The following ERC2 variants were observed in gnomAD, a reference collection of about 807,000 sequenced individuals.
The protein encoded by ERC2 is ERC protein 2.
Under a neutral mutation model 114.8 loss-of-function variants are expected in ERC2, and 42 were observed. The ratio of observed to expected loss-of-function variants is 0.37; its 90% confidence interval spans 0.29 to 0.47. The LOEUF (loss-of-function observed/expected upper bound fraction) is 0.47. Ranked by LOEUF, ERC2 falls within the 20% of genes least tolerant of loss-of-function variation. ERC2 has a pLI of 0.99. For missense variants in ERC2, 939 were observed against 1,150.7 expected (o/e 0.82, Z 2.66); for synonymous variants, 454 against 425.5 (o/e 1.07, Z -0.82).
At chr3:56,215,870 G>A (rs1385548712) in intron 3 of ERC2, among the ~76,000 whole-genome samples, 1 of 152,182 alleles carries the variant, frequency 6.6e-6, no homozygotes, top group African/African-American at 2.4e-5. Context: ...CATGGAAACT[G>A]AACAACCTGC....
chr3:56,322,275 TTGTTTGCAAAGAAGAG>T (rs1238588483), intron 2 of ERC2, among the ~76,000 whole-genome samples: 1 of 152,226 alleles, frequency 6.6e-6, no homozygotes, highest in African/African-American at 2.4e-5. Flanking sequence ...AGTGGGCTTT[TTGTTTGCAAAGAAGAG>T]TGTTTGCAAA....
At chr3:55,731,856 C>T (rs1309972134) in intron 15 of ERC2, among the ~76,000 whole-genome samples, 2 of 152,098 alleles carry the variant, frequency 1.3e-5, no homozygotes, top group Non-Finnish European at 2.9e-5. Context: ...ATAACCTAAG[C>T]CTAAGGACTC....
At chr3:56,117,255 A>G (rs1201249027) in intron 6 of ERC2, among the ~76,000 whole-genome samples, 2 of 152,218 alleles carry the variant, frequency 1.3e-5, no homozygotes, top group Middle Eastern at 3.2e-3. Flanking sequence ...CACTAGACTG[A>G]ATAAATAATT....
Position 55,952,177 on chromosome 3 carries a change from AC to A in ERC2, c.2268-1618del, listed in dbSNP as rs1434945295. The stretch of plus-strand genomic sequence containing the variant: ...CACACACACACACACACACACACAC[AC>A]ACTCTCTCTCTCTCTCTCTCTATAT... On this transcript the variant is annotated intron_variant, in intron 12 of 17. Transcript: ENST00000288221. Among the ~76,000 whole-genome samples, 333 of 38,626 alleles carry A rather than the reference AC, an allele frequency of 8.6e-3. 25 individuals are homozygous for A. In the East Asian group the frequency reaches 0.12, roughly 14 times the overall value. The allele number at this position is 38,626 out of a possible 152,430, so 25.3% of individuals were successfully genotyped here. A position where few individuals can be genotyped will look rare whatever the true frequency, so the allele number is the denominator to read the frequency against.
intron 17 of ERC2, among the ~76,000 whole-genome samples, chr3:55,548,772 T>C (rs1795632): frequency 0.35 from 52,973 of 152,014 alleles, 11,123 homozygotes; most frequent in East Asian, 0.71. Context: ...ACTGTTCACA[T>C]GGGTACCAGG....
At position 55,810,465 on chromosome 3, in the gene ERC2, C is replaced by CTTTTTTTTTTTTT. The variant is rs11318195; in HGVS notation, c.2565-75548_2565-75547insAAAAAAAAAAAAA. Reference sequence around the variant, plus strand: ...ATATGTAGAAGGTCTCTCTCTCCCTCTTTTTTTTTTTGTTTGAGACGGAGT... The same window carrying CTTTTTTTTTTTTT: ...ATATGTAGAAGGTCTCTCTCTCCCTCTTTTTTTTTTTTTTTTTTTTTTTTGTTTGAGACGGAGT... On this transcript the variant is annotated intron_variant, in intron 14 of 17. Transcript: ENST00000288221. Among the ~76,000 whole-genome samples, 59 of 146,456 alleles carry CTTTTTTTTTTTTT rather than the reference C, an allele frequency of 4.0e-4. 1 individual carries two copies. Among genetic ancestry groups the CTTTTTTTTTTTTT allele is most frequent in the Middle Eastern group, 7.2e-3 (2 of 276 alleles).
At chr3:55,577,206 G>T (rs2107546257) in intron 17 of ERC2, among the ~76,000 whole-genome samples, 1 of 152,040 alleles carries the variant, frequency 6.6e-6, no homozygotes, top group South Asian at 2.1e-4. Flanking sequence ...ATTTAAGACA[G>T]GTCTGCATTC....
At chr3:55,688,296 G>C (rs1347133878) in intron 16 of ERC2, among the ~76,000 whole-genome samples, 1 of 152,130 alleles carries the variant, frequency 6.6e-6, no homozygotes, top group Non-Finnish European at 1.5e-5. Flanking sequence ...TCCTCCCTGA[G>C]GCTCACCAAG....
In ERC2 at chr3:56,162,388, G is replaced by A. The variant is rs1586314; in HGVS notation, c.1149+11058C>T. ...GTTTTGGTATCAGGGTGATACTGAC[G>A]TTGTAGAATGAGTTAGGGAGGAGTC... On this transcript the variant is annotated intron_variant, in intron 4 of 17. Transcript: ENST00000288221. 2.8e-3 allele frequency among the ~76,000 whole-genome samples: 426 copies of A among 152,140 alleles called. 1 individual carries two copies. The highest frequency in any genetic ancestry group is 9.8e-3 in the African/African-American group (408 of 41,480).
rs1417905608 is a variant in ERC2 at position 56,316,629 on chromosome 3, C to CAT, written c.658-20196_658-20195dup. ...ACACAAACAGATACACACACACACA[C>CAT]ATATATACAGTAAATAACCTCTCTT... On this transcript the variant is annotated intron_variant, in intron 2 of 17. Coordinates refer to ENST00000288221, the MANE Select transcript of ERC2 (RefSeq NM_015576.3). 8.5e-5 allele frequency among the ~76,000 whole-genome samples: 13 copies of CAT among 152,102 alleles called. No individual in the cohort carries two copies. The East Asian group carries it at 1.4e-3, about 16-fold the overall frequency.
rs188611480 is a variant in ERC2, at chr3:56,033,570, G to A, written c.1642-14539C>T. 5.2e-3 allele frequency among the ~76,000 whole-genome samples: 785 copies of A among 152,252 alleles called. 5 individuals carry two copies. The highest frequency in any genetic ancestry group is 0.017 in the African/African-American group (727 of 41,544). On this transcript the variant is annotated intron_variant, in intron 7 of 17. Coordinates refer to ENST00000288221, the MANE Select transcript of ERC2 (RefSeq NM_015576.3). ...TTTCTTGTAAGGCATGTCTGGTGGT[G>A]ATGAACTTCCATGGATTTTGTTTGT...
At chr3:56,176,538 G>A (rs1217865580) in intron 3 of ERC2, among the ~76,000 whole-genome samples, 1 of 152,082 alleles carries the variant, frequency 6.6e-6, no homozygotes, top group African/African-American at 2.4e-5. Flanking sequence ...CTTACCCTCT[G>A]TGTCACTCCT....
At chr3:56,309,671 A>G (rs1324108129) in intron 2 of ERC2, among the ~76,000 whole-genome samples, 1 of 152,228 alleles carries the variant, frequency 6.6e-6, no homozygotes, top group Non-Finnish European at 1.5e-5. Context: ...GTAAACAGGA[A>G]ATAATAATTG....
At chr3:55,997,930 T>TG (rs372570093) in intron 10 of ERC2, among the ~76,000 whole-genome samples, 11,020 of 33,844 alleles carry the variant, frequency 0.33, 1,232 homozygotes, top group East Asian at 0.46. Context: ...GTGTTTTTTG[T>TG]TTTTTTTTTT....
intron 6 of ERC2, among the ~76,000 whole-genome samples, chr3:56,123,369 C>T (rs2079692966): frequency 6.6e-6 from 1 of 151,856 alleles, no homozygotes; most frequent in African/African-American, 2.4e-5. Flanking sequence ...CATCTGTGAA[C>T]CAGAAAACTG....
intron 2 of ERC2, among the ~76,000 whole-genome samples, chr3:56,378,583 A>C (rs1270000242): frequency 7.3e-6 from 1 of 136,124 alleles, no homozygotes; most frequent in Non-Finnish European, 1.6e-5. Flanking sequence ...AAAAAAAAAA[A>C]AAACAAAGGC....
intron 14 of ERC2, among the ~76,000 whole-genome samples, chr3:55,854,735 A>G (rs752550806): frequency 5.3e-5 from 8 of 152,150 alleles, no homozygotes; most frequent in African/African-American, 1.4e-4. Context: ...TAAACCATAC[A>G]TGTCATGTCC....
At chr3:55,660,349 A>G (rs1023521171) in intron 17 of ERC2, among the ~76,000 whole-genome samples, 4 of 152,178 alleles carry the variant, frequency 2.6e-5, no homozygotes, top group African/African-American at 4.8e-5. Context: ...CCTGGAATTG[A>G]GTGCCTGGTG....
At chr3:56,097,924 C>T (rs961320599) in intron 6 of ERC2, among the ~76,000 whole-genome samples, 4 of 152,140 alleles carry the variant, frequency 2.6e-5, no homozygotes, top group Admixed American at 6.5e-5. Flanking sequence ...TTTTGCATCA[C>T]ATTTAGCCTT....
Sources: allele counts gnomAD v4.1 joint callset (sites outside exome capture counted in the v4.1 genomes callset), GRCh38; gene constraint gnomAD v4.1.1; transcripts MANE v1.5; gene names NCBI Gene and HGNC (gene_info 2026-07-23, HGNC 2026-07-21).